PITPNB: variants seen among roughly 807,000 people sequenced by gnomAD.
PITPNB encodes phosphatidylinositol transfer protein beta isoform.
PITPNB carries 16 observed loss-of-function variants against 45.9 expected under a neutral mutation model. The observed-to-expected ratio is 0.35, with a 90% CI of 0.24 to 0.53. The LOEUF (loss-of-function observed/expected upper bound fraction) is 0.53. PITPNB is among the 20% of genes least tolerant of loss of function. PITPNB has a pLI of 0.93. For missense variants in PITPNB, 188 were observed against 330.5 expected (o/e 0.57, Z 3.34); for synonymous variants, 112 against 108.9 (o/e 1.03, Z -0.18).
chr22:27,897,943 T>C (rs1601416376), intron 3 of PITPNB, 51 bp from the exon 4 acceptor site: 2 of 1,239,470 alleles, frequency 1.6e-6, no homozygotes, highest in Admixed American at 1.7e-5. Flanking sequence ...CAATTCTTTC[T>C]TGGTATCTAT....
At chr22:27,855,404 G>A (rs963584041) in intron 10 of PITPNB, among the ~76,000 whole-genome samples, 7 of 151,930 alleles carry the variant, frequency 4.6e-5, no homozygotes, top group Non-Finnish European at 1.0e-4. Context: ...AGGGAGAAAA[G>A]GCAAGGAGGG....
intron 4 of PITPNB, 73 bp from the exon 5 acceptor site, chr22:27,897,210 G>A (rs1341224212): frequency 1.1e-6 from 1 of 950,072 alleles, no homozygotes; most frequent in African/African-American, 1.6e-5. Context: ...AAAACAATCT[G>A]TCCCAATACT....
chr22:27,893,441 T>C (rs1357791864), intron 7 of PITPNB, among the ~76,000 whole-genome samples: 1 of 151,658 alleles, frequency 6.6e-6, no homozygotes, highest in Non-Finnish European at 1.5e-5. Flanking sequence ...CCCACCACCA[T>C]ACCGGCTAAT....
At chr22:27,917,725 G>C (rs1254082136) in intron 1 of PITPNB, among the ~76,000 whole-genome samples, 5 of 152,168 alleles carry the variant, frequency 3.3e-5, no homozygotes, top group African/African-American at 1.2e-4. Flanking sequence ...GGGGATATGA[G>C]AGTGAGCAAA....
At chr22:27,871,855 A>G (rs9620746) in intron 8 of PITPNB, among the ~76,000 whole-genome samples, 6,564 of 152,152 alleles carry the variant, frequency 0.043, 236 homozygotes, top group African/African-American at 0.091. Context: ...CTTCATGAAT[A>G]GCTTGGGCCA....
intron 8 of PITPNB, among the ~76,000 whole-genome samples, chr22:27,866,731 T>C (rs1443746111): frequency 6.6e-6 from 1 of 152,210 alleles, no homozygotes; most frequent in Non-Finnish European, 1.5e-5. Flanking sequence ...CAGCAGTTTC[T>C]GTAAGGCTCA....
At chr22:27,872,090 T>TG (rs1569011082) in intron 8 of PITPNB, among the ~76,000 whole-genome samples, 1 of 134,174 alleles carries the variant, frequency 7.5e-6, no homozygotes. Context: ...GGTTTTTTTT[T>TG]TTTTTTTTTT....
At chr22:27,914,434 T>C (rs1936021188) in intron 1 of PITPNB, 87 bp from the exon 2 acceptor site, 9 of 772,358 alleles carry the variant, frequency 1.2e-5, no homozygotes, top group South Asian at 1.7e-5. Context: ...TTAAATCCAA[T>C]GATAACAGAG....
intron 10 of PITPNB, among the ~76,000 whole-genome samples, chr22:27,857,689 T>G (rs971402057): frequency 6.6e-6 from 1 of 152,154 alleles, no homozygotes; most frequent in Non-Finnish European, 1.5e-5. Context: ...AAGACAAGCA[T>G]GGCCCAGGGC....
chr22:27,883,559 C>G (rs1935033739), intron 7 of PITPNB, among the ~76,000 whole-genome samples: 1 of 152,244 alleles, frequency 6.6e-6, no homozygotes. Flanking sequence ...TCCAAAGATT[C>G]TAAACAGGGA....
chr22:27,910,858 A>C (rs1935899772), intron 3 of PITPNB, 106 bp downstream of exon 3: 1 of 760,760 alleles, frequency 1.3e-6, no homozygotes, highest in South Asian at 1.8e-5. Context: ...TATATTATCA[A>C]ACTGAAATTA....
intron 1 of PITPNB, among the ~76,000 whole-genome samples, chr22:27,916,107 CA>C (rs1936067456): frequency 6.6e-6 from 1 of 152,168 alleles, no homozygotes; most frequent in African/African-American, 2.4e-5. Context: ...TTCACAAAAC[CA>C]AAGAATCACT....
intron 10 of PITPNB, among the ~76,000 whole-genome samples, chr22:27,856,510 G>C (rs1428812611): frequency 6.6e-6 from 1 of 152,202 alleles, no homozygotes; most frequent in Non-Finnish European, 1.5e-5. Context: ...TTCCCTGGGG[G>C]AAGAAATCTC....
At chr22:27,893,380 G>C (rs1935339451) in intron 7 of PITPNB, among the ~76,000 whole-genome samples, 2 of 151,412 alleles carry the variant, frequency 1.3e-5, no homozygotes, top group South Asian at 4.2e-4. Flanking sequence ...CGCCTCCCGG[G>C]CTCATGCCAC....
intron 7 of PITPNB, among the ~76,000 whole-genome samples, chr22:27,879,358 G>C (rs1934905852): frequency 6.6e-6 from 1 of 152,120 alleles, no homozygotes; most frequent in Non-Finnish European, 1.5e-5. Flanking sequence ...AAATAGCTGT[G>C]CTCCAGGATA....
rs35013749 is a variant in PITPNB at position 27,861,024 on chromosome 22, G to GAAA, written c.535-786_535-784dup. ...GTAAGATAGCAAGACCCCATTTCTG[G>GAAA]AAAAAAAAAAAAAAAAAAAAAAAAG... On this transcript the variant is annotated intron_variant, in intron 8 of 11. Coordinates refer to ENST00000335272, the MANE Select transcript of PITPNB (RefSeq NM_012399.5). Among the ~76,000 whole-genome samples the GAAA allele has an allele frequency of 5.2e-3, 300 of 57,706 alleles. 5 individuals carry two copies. The highest frequency in any genetic ancestry group is 9.4e-3 in the East Asian group (16 of 1,708). 37.9% of individuals were successfully genotyped at this position (57,706 alleles called of 152,430 possible). A position where few individuals can be genotyped will look rare whatever the true frequency, so the allele number is the denominator to read the frequency against.
chr22:27,868,362 C>A (rs1031348355), intron 8 of PITPNB, among the ~76,000 whole-genome samples: 1 of 152,168 alleles, frequency 6.6e-6, no homozygotes, highest in Non-Finnish European at 1.5e-5. Context: ...CTCCTCCTAT[C>A]CCTGGCCAAA....
rs946859320 is a variant in PITPNB, at chr22:27,853,624, T to C, written c.*78A>G. 6 of 1,550,816 alleles carry C rather than the reference T, an allele frequency of 3.9e-6. No individual in the cohort carries two copies. The Admixed American group carries it at 7.8e-5, about 20-fold the overall frequency. On this transcript the variant is annotated 3_prime_UTR_variant, in exon 12 of 12. Transcript: ENST00000335272. ...GGTCAGATTCTTCTTCACTCATCAC[T>C]GGCTGCGCTTGTTCCCCTCACTTGA...
At chr22:27,857,907 T>C (rs1270196533) in intron 10 of PITPNB, among the ~76,000 whole-genome samples, 3 of 152,062 alleles carry the variant, frequency 2.0e-5, no homozygotes, top group South Asian at 2.1e-4. Flanking sequence ...TCACTGCCAG[T>C]TGGGGGAAGC....
Sources: gnomAD v4.1 joint callset for allele counts (sites outside exome capture counted in the v4.1 genomes callset) on GRCh38, gnomAD v4.1.1 for gene constraint, MANE v1.5 for transcripts, NCBI Gene and HGNC (gene_info 2026-07-23, HGNC 2026-07-21) for gene names.